The following FEZ1 variants were observed in gnomAD, a reference collection of about 807,000 sequenced individuals.
FEZ1 encodes the protein fasciculation and elongation protein zeta-1.
FEZ1 carries 20 observed loss-of-function variants against 49.3 expected under a neutral mutation model. The observed-to-expected ratio is 0.41, with a 90% CI of 0.29 to 0.59. FEZ1 has a LOEUF of 0.59. Among genes scored for constraint, FEZ1 ranks in the 20% least tolerant of loss-of-function variants. FEZ1 has a pLI of 0.36. For missense variants in FEZ1, 413 were observed against 476.0 expected, an observed-to-expected ratio of 0.87 and a Z score of 1.23; for synonymous variants, 170 against 180.9, an observed-to-expected ratio of 0.94 and a Z score of 0.48.
At position 125,450,697 on chromosome 11, in the gene FEZ1, T is replaced by C. The variant is rs114360993; in HGVS notation, c.1096+1637A>G. 8.7e-3 allele frequency among the ~76,000 whole-genome samples: 1,324 copies of C among 152,284 alleles called. 18 individuals are homozygous for C. The highest frequency in any genetic ancestry group is 0.03 in the African/African-American group (1,261 of 41,536). On this transcript the variant is annotated intron_variant, in intron 8 of 9. Transcript: ENST00000278919. Reference sequence around the variant, plus strand: ...AAAGCAATAAAATGTTGGAAGGTAGTATATCCACATGATAGAAGAGATAGC... The same window carrying C: ...AAAGCAATAAAATGTTGGAAGGTAGCATATCCACATGATAGAAGAGATAGC...
chr11:125,481,070 G>A (rs1189679560), intron 3 of FEZ1, among the ~76,000 whole-genome samples: 2 of 151,526 alleles, frequency 1.3e-5, no homozygotes, highest in African/African-American at 2.4e-5. Flanking sequence ...GGAAAGTAAT[G>A]GCAGAAAAAA....
intron 3 of FEZ1, among the ~76,000 whole-genome samples, chr11:125,473,152 A>G (rs1208432725): frequency 1.3e-5 from 2 of 152,230 alleles, no homozygotes; most frequent in Non-Finnish European, 2.9e-5. Context: ...ATAAAGATAG[A>G]CACATTTTAA....
rs1956983342 is a variant in FEZ1, at chr11:125,454,017, C to G, written c.1020+113G>C. 6 of 623,722 alleles carry G rather than the reference C, an allele frequency of 9.6e-6. No individual in the cohort carries two copies. The Admixed American group carries it at 1.6e-4, about 17-fold the overall frequency. 38.6% of individuals were successfully genotyped at this position (623,722 alleles called of 1,614,324 possible). ...AGAAAAAAGTGTTAGGACCCCTAACCCCCTAAATAAATGCTGGGATAATTC... is the reference window on the plus strand; with the variant it reads ...AGAAAAAAGTGTTAGGACCCCTAACGCCCTAAATAAATGCTGGGATAATTC... On this transcript the variant is annotated intron_variant, in intron 7 of 9. Transcript: ENST00000278919.
chr11:125,485,259 T>G (rs1957316709), intron 2 of FEZ1, among the ~76,000 whole-genome samples: 1 of 151,994 alleles, frequency 6.6e-6, no homozygotes, highest in African/African-American at 2.4e-5. Context: ...TGGGCTTAGG[T>G]GCCTGTAGAA....
rs561351548 is a variant in FEZ1 at position 125,444,218 on chromosome 11, C to G, written c.*1877G>C. Among the ~76,000 whole-genome samples, 2 of 152,294 alleles carry G rather than the reference C, an allele frequency of 1.3e-5. No homozygotes were observed. The highest frequency in any genetic ancestry group is 6.5e-5 in the Admixed American group (1 of 15,300). On this transcript the variant is annotated 3_prime_UTR_variant, in exon 10 of 10. Transcript: ENST00000278919. ...CAGATGCCTGGACTAGAGCTTTAGG[C>G]ATTGCAGCAGTTTTCCTGGGGGGAT...
At chr11:125,467,943 T>A (rs1331714053) in intron 3 of FEZ1, among the ~76,000 whole-genome samples, 1 of 152,184 alleles carries the variant, frequency 6.6e-6, no homozygotes, top group Non-Finnish European at 1.5e-5. Context: ...AAAAGGAGAC[T>A]GTGTTTTACA....
At chr11:125,452,671 G>T (rs1956968831) in intron 7 of FEZ1, 3 of 422,386 alleles carry the variant, frequency 7.1e-6, no homozygotes, top group Admixed American at 4.0e-5. Flanking sequence ...GGAATCCTGG[G>T]GAGCTTTTTC....
chr11:125,446,716 CA>C (rs1956902781), intron 9 of FEZ1, among the ~76,000 whole-genome samples: 2 of 151,972 alleles, frequency 1.3e-5, no homozygotes, highest in South Asian at 4.1e-4. Context: ...CTTGCTGTGT[CA>C]CCCAGGCTGG....
At position 125,460,624 on chromosome 11, in the gene FEZ1, G is replaced by T. The variant is rs201511080; in HGVS notation, c.541C>A (p.Pro181Thr). The T allele has an allele frequency of 6.2e-7, 1 of 1,613,912 alleles. No homozygotes were observed. Among genetic ancestry groups the T allele is most frequent in the Non-Finnish European group, 8.5e-7 (1 of 1,179,848 alleles). The stretch of plus-strand genomic sequence containing the variant: ...TCCAGAACCTCCTCTTCTTCCTCAG[G>T]GTCTGGGGAGTTCTGCATCATTTCC... The part of the protein sequence containing the change: ...IEEMMQNSPD[P>T]EEEEEVLEEE... The change falls in exon 5 of 10, where the codon CCT becomes ACT. Residue 181 changes from proline (P) to threonine (T), a missense_variant. By Grantham distance (38) the Pro-to-Thr change is conservative (BLOSUM62 -1). Coordinates refer to ENST00000278919, the MANE Select transcript of FEZ1 (RefSeq NM_005103.5).
At chr11:125,461,383 G>A (rs1032442336) in intron 4 of FEZ1, among the ~76,000 whole-genome samples, 5 of 152,178 alleles carry the variant, frequency 3.3e-5, no homozygotes, top group African/African-American at 9.7e-5. Flanking sequence ...GAGGCAGGTG[G>A]ATCACTTGAG....
chr11:125,476,714 C>T (rs562900323), intron 3 of FEZ1, among the ~76,000 whole-genome samples: 1 of 152,222 alleles, frequency 6.6e-6, no homozygotes, highest in East Asian at 1.9e-4. Flanking sequence ...GACTGGGAAT[C>T]GGAACAGATT....
In FEZ1 at chr11:125,495,307, G is replaced by C. The variant is rs566919347; in HGVS notation, c.-46+814C>G. On this transcript the variant is annotated intron_variant, in intron 1 of 9. Coordinates refer to ENST00000278919, the MANE Select transcript of FEZ1 (RefSeq NM_005103.5). The surrounding 1 kb of genome is among the most constrained non-coding windows in gnomAD (Gnocchi z 4.2). ...CTTCCGGCCAAACAAGCCCGGACACGGGAGAGGGATGAGAGTCGGGGATGC... is the reference window on the plus strand; with the variant it reads ...CTTCCGGCCAAACAAGCCCGGACACCGGAGAGGGATGAGAGTCGGGGATGC... 78 of 456,822 alleles carry C rather than the reference G, an allele frequency of 1.7e-4. No individual in the cohort carries two copies. Among genetic ancestry groups the C allele is most frequent in the African/African-American group, 1.4e-3 (69 of 49,844 alleles). The allele number at this position is 456,822 out of a possible 1,614,324, so 28.3% of individuals were successfully genotyped here.
Position 125,455,911 on chromosome 11 carries a change from A to T in FEZ1, c.863T>A (p.Met288Lys). 2 of 1,613,138 alleles carry T rather than the reference A, an allele frequency of 1.2e-6. No homozygotes were observed. Among genetic ancestry groups the T allele is most frequent in the Non-Finnish European group, 1.7e-6 (2 of 1,179,844 alleles). Residue 288 changes from methionine to lysine, a missense_variant, in exon 6 of 10, where the codon ATG becomes AAG. Transcript: ENST00000278919. The part of the protein sequence containing the change: ...QNKQKEQREL[M>K]KKRRKEKGLS... ...CCCTTTCTCTTTCCGCCTCTTTTTC[A>T]TCAGTTCTCGCTGCTCCTTCTGCTT... is the stretch of plus-strand genomic sequence containing the variant.
At chr11:125,482,026 A>AGAGAGAGAGAGAGAAAGG (rs1485978054) in intron 2 of FEZ1, among the ~76,000 whole-genome samples, 1 of 151,724 alleles carries the variant, frequency 6.6e-6, no homozygotes. Flanking sequence ...AGAGAGAGAA[A>AGAGAGAGAGAGAGAAAGG]GAGAGAGAGA....
chr11:125,448,383 C>G (rs1245639085), intron 9 of FEZ1, 119 bp downstream of exon 9: 5 of 678,928 alleles, frequency 7.4e-6, no homozygotes, highest in African/African-American at 7.2e-5. Context: ...TCAATTGTCC[C>G]TGATTTCCCT....
intron 1 of FEZ1, among the ~76,000 whole-genome samples, chr11:125,494,287 G>A (rs1957435794): frequency 6.6e-6 from 1 of 152,206 alleles, no homozygotes; most frequent in South Asian, 2.1e-4. Flanking sequence ...GCCTCCAGGA[G>A]GGCTCTGTGG....
At chr11:125,452,483 C>G in intron 7 of FEZ1, 74 bp from the exon 8 acceptor site, 1 of 917,988 alleles carries the variant, frequency 1.1e-6, no homozygotes, top group Non-Finnish European at 1.8e-6. Flanking sequence ...TAGCCTTTCT[C>G]TAAGACACAC....
At chr11:125,463,262 C>T (rs766283018) in intron 4 of FEZ1, 96 of 302,768 alleles carry the variant, frequency 3.2e-4, no homozygotes, top group Non-Finnish European at 5.4e-4. Context: ...GCCAAGATCA[C>T]GCCACTGCAC....
At chr11:125,470,245 A>C (rs1356863450) in intron 3 of FEZ1, among the ~76,000 whole-genome samples, 1 of 152,138 alleles carries the variant, frequency 6.6e-6, no homozygotes, top group Non-Finnish European at 1.5e-5. Context: ...AACTACAAAG[A>C]TGTACACTTA....
Sources: gnomAD v4.1 joint callset for allele counts (sites outside exome capture counted in the v4.1 genomes callset) on GRCh38, gnomAD v4.1.1 for gene constraint, Gnocchi (gnomAD v3.1) non-coding constraint, MANE v1.5 for transcripts, NCBI Gene and HGNC (gene_info 2026-07-23, HGNC 2026-07-21) for gene names.